The following IQANK1 variants were observed in gnomAD, a reference collection of about 807,000 sequenced individuals.
The protein encoded by IQANK1 is IQ motif and ankyrin repeat containing 1.
In IQANK1, 30 loss-of-function variants were observed where a neutral mutation model predicts 22.6. The ratio of observed to expected loss-of-function variants is 1.33; its 90% confidence interval spans 0.99 to 1.80. The LOEUF (loss-of-function observed/expected upper bound fraction) is 1.80. IQANK1 is among the 40% of genes most tolerant of loss of function. The pLI is 0.00. For synonymous variants in IQANK1, 122 were observed against 99.6 expected, an observed-to-expected ratio of 1.23 and a Z score of -1.34; for missense variants, 275 against 235.2, an observed-to-expected ratio of 1.17 and a Z score of -1.11.
Position 143,771,391 on chromosome 8 carries a change from G to A in IQANK1, c.176-97G>A, listed in dbSNP as rs1305638155. The A allele has an allele frequency of 2.3e-5, 9 of 391,892 alleles. No homozygotes were observed. Among genetic ancestry groups the A allele is most frequent in the Non-Finnish European group, 4.1e-5 (9 of 222,032 alleles). 24.3% of individuals were successfully genotyped at this position (391,892 alleles called of 1,614,324 possible). On this transcript the variant is annotated intron_variant, in intron 3 of 13. Transcript: ENST00000527139. The surrounding 1 kb of genome is among the most constrained non-coding windows in gnomAD (Gnocchi z 6.0). ...TGAGAGCCGTTTGGGTCCTTCTGTC[G>A]GGGCGGGGGCGGGGGCGGGGCCGGC...
intron 3 of IQANK1, among the ~76,000 whole-genome samples, chr8:143,770,123 G>A (rs1460784636): frequency 3.3e-5 from 5 of 152,216 alleles, no homozygotes; most frequent in Admixed American, 6.5e-5. Context: ...AGCCTCAGGA[G>A]AGCCGGACTT....
At chr8:143,766,789 T>C (rs1045939018) in intron 3 of IQANK1, among the ~76,000 whole-genome samples, 3 of 152,238 alleles carry the variant, frequency 2.0e-5, no homozygotes, top group African/African-American at 7.2e-5. Flanking sequence ...TGTTCTCCCA[T>C]GTGATCTTCA....
At chr8:143,742,427 C>T (rs1554626677) in intron 3 of IQANK1, 3 of 456,050 alleles carry the variant, frequency 6.6e-6, no homozygotes, top group Non-Finnish European at 1.3e-5. Flanking sequence ...GGTGCCCTCC[C>T]CAGGAGGCAT....
chr8:143,749,502 TATAA>T (rs1819141786), intron 3 of IQANK1, among the ~76,000 whole-genome samples: 3 of 119,928 alleles, frequency 2.5e-5, no homozygotes, highest in Non-Finnish European at 1.5e-5. Flanking sequence ...ATATATATCA[TATAA>T]ATATATAAAA....
rs917149268 is a variant in IQANK1 at position 143,771,627 on chromosome 8, G to A, written c.306+9G>A. ...AGACGCCGCAGAAGGAGGTGAGGAC[G>A]GGCAGCCGCAACAGCCGGGGGCCAG... is the stretch of plus-strand genomic sequence containing the variant. On this transcript the variant is annotated intron_variant, in intron 4 of 13. Coordinates refer to ENST00000527139, the MANE Select transcript of IQANK1 (RefSeq NM_001381874.1). The surrounding 1 kb of genome is among the most constrained non-coding windows in gnomAD (Gnocchi z 6.0). 3.0e-5 allele frequency: 12 copies of A among 399,094 alleles called. No individual in the cohort carries two copies. The highest frequency in any genetic ancestry group is 4.1e-5 in the African/African-American group (2 of 48,584). The allele number at this position is 399,094 out of a possible 1,614,324, so 24.7% of individuals were successfully genotyped here.
Position 143,771,291 on chromosome 8 carries a change from C to T in IQANK1, c.176-197C>T, listed in dbSNP as rs1819565396. On this transcript the variant is annotated intron_variant, in intron 3 of 13. Coordinates refer to ENST00000527139, the MANE Select transcript of IQANK1 (RefSeq NM_001381874.1). This position sits in a 1 kb window ranked among gnomAD's most constrained non-coding sequence, Gnocchi z 6.0. The stretch of plus-strand genomic sequence containing the variant: ...TTCCCGCAGACCTGGGTCCTCTCCG[C>T]GTCCCGGGCTCTCGCGCAGCCTCCT... Among the ~76,000 whole-genome samples the T allele has an allele frequency of 6.6e-6, 1 of 151,758 alleles. No individual in the cohort carries two copies. The highest frequency in any genetic ancestry group is 1.5e-5 in the Non-Finnish European group (1 of 67,874).
At chr8:143,762,187 T>C (rs1294050291) in intron 3 of IQANK1, among the ~76,000 whole-genome samples, 1 of 152,100 alleles carries the variant, frequency 6.6e-6, no homozygotes, top group Non-Finnish European at 1.5e-5. Flanking sequence ...GGCAAGCACC[T>C]GTAATCCCAG....
chr8:143,766,431 G>A (rs1819481930), intron 3 of IQANK1, among the ~76,000 whole-genome samples: 2 of 152,120 alleles, frequency 1.3e-5, no homozygotes, highest in Admixed American at 6.6e-5. Context: ...AGCACTTTGG[G>A]AGGCTGAGGT....
At chr8:143,764,176 A>C (rs907888176) in intron 3 of IQANK1, among the ~76,000 whole-genome samples, 1 of 152,154 alleles carries the variant, frequency 6.6e-6, no homozygotes, top group Non-Finnish European at 1.5e-5. Flanking sequence ...TTCCACCTGC[A>C]CAGGAAAGGT....
chr8:143,744,034 A>G (rs1554626990), intron 3 of IQANK1: 2 of 303,342 alleles, frequency 6.6e-6, no homozygotes, highest in Non-Finnish European at 1.3e-5. Flanking sequence ...GGGTTTCACC[A>G]TGTTGGCCAG....
chr8:143,748,620 TATA>T (rs1554627523), intron 3 of IQANK1, among the ~76,000 whole-genome samples: 2 of 127,800 alleles, frequency 1.6e-5, no homozygotes, highest in East Asian at 2.1e-4. Flanking sequence ...TATATAAATA[TATA>T]ATATATCATA....
chr8:143,747,445 A>G (rs1819053099), intron 3 of IQANK1, among the ~76,000 whole-genome samples: 1 of 151,926 alleles, frequency 6.6e-6, no homozygotes, highest in African/African-American at 2.4e-5. Flanking sequence ...TCCTTAAGTT[A>G]TAAAGTTAGG....
At position 143,735,903 on chromosome 8, in the gene IQANK1, C is replaced by T. The variant is rs782276816; in HGVS notation, c.50C>T (p.Thr17Met). The T allele has an allele frequency of 9.4e-5, 66 of 702,562 alleles. No homozygotes were observed. Among genetic ancestry groups the T allele is most frequent in the South Asian group, 6.7e-4 (45 of 67,582 alleles). The allele number at this position is 702,562 out of a possible 1,614,324, so 43.5% of individuals were successfully genotyped here. A position where few individuals can be genotyped will look rare whatever the true frequency, so the allele number is the denominator to read the frequency against. ...AAAGCTGCAGCTGGGAAGTGGCAGA[C>T]GCTCCACCCTGGGCCCAAGACAAGA... ...RPKAAAGKWQTLHPGPKTRAA... is the reference protein window; with the variant it reads ...RPKAAAGKWQMLHPGPKTRAA... The change falls in exon 2 of 14, where the codon ACG (threonine) becomes ATG (methionine). Residue 17 changes from threonine to methionine, a missense_variant. Physicochemically the swap from Thr to Met is moderately conservative, Grantham distance 81. Transcript: ENST00000527139. The surrounding 1 kb of genome is among the most constrained non-coding windows in gnomAD (Gnocchi z 5.2).
At chr8:143,748,999 C>CATAT (rs1305269725) in intron 3 of IQANK1, among the ~76,000 whole-genome samples, 6 of 71,204 alleles carry the variant, frequency 8.4e-5, no homozygotes, top group Admixed American at 1.9e-4. Context: ...AAATATATAT[C>CATAT]ATAAATATAT....
At chr8:143,743,627 T>G (rs1420203698) in intron 3 of IQANK1, among the ~76,000 whole-genome samples, 2 of 152,164 alleles carry the variant, frequency 1.3e-5, no homozygotes, top group Non-Finnish European at 1.5e-5. Context: ...TTGGGTGTGT[T>G]CCTTAAGCTG....
rs545829164 is a variant in IQANK1, at chr8:143,788,986, G to T, written c.861G>T (p.Gln287His). 2.4e-4 allele frequency: 96 copies of T among 399,814 alleles called. No homozygotes were observed. The highest frequency in any genetic ancestry group is 3.8e-4 in the Non-Finnish European group (87 of 226,624). 24.8% of individuals were successfully genotyped at this position (399,814 alleles called of 1,614,324 possible). Reference sequence around the variant, plus strand: ...TGAGCCTCACGGAGGCCATGCTCCAGAACATGGAGGCTGAGCAGCAGCGCC... The same window carrying T: ...TGAGCCTCACGGAGGCCATGCTCCATAACATGGAGGCTGAGCAGCAGCGCC... The part of the protein sequence containing the change: ...WDLSLTEAML[Q>H]NMEAEQQRRA... The change falls in exon 8 of 14, where the codon CAG (glutamine) becomes CAT (histidine). Residue 287 changes from glutamine (Q) to histidine (H), a missense_variant. Gln to His is a conservative substitution (Grantham distance 24, BLOSUM62 0). Transcript: ENST00000527139.
intron 3 of IQANK1, among the ~76,000 whole-genome samples, chr8:143,747,161 G>A (rs1157939877): frequency 6.6e-6 from 1 of 152,164 alleles, no homozygotes; most frequent in East Asian, 1.9e-4. Flanking sequence ...TTACAGGAGT[G>A]AGCCACCGCG....
At chr8:143,789,684 G>A in intron 10 of IQANK1, 77 bp from the exon 11 acceptor site, 1 of 1,216,120 alleles carries the variant, frequency 8.2e-7, no homozygotes, top group East Asian at 3.2e-5. Flanking sequence ...GTGGGGTGGG[G>A]AGGAAGCTCG....
chr8:143,750,126 G>A lies in IQANK1; in HGVS notation c.175+10178G>A, dbSNP rs1008077676. The stretch of plus-strand genomic sequence containing the variant: ...TTCAAGCAATTCTCCTGCCTCTCAA[G>A]TAGCTGGGATTACAGGCATGCGCCA... On this transcript the variant is annotated intron_variant, in intron 3 of 13. Transcript: ENST00000527139. Among the ~76,000 whole-genome samples the A allele has an allele frequency of 2.6e-5, 4 of 151,874 alleles. No homozygotes were observed. In the South Asian group the frequency reaches 6.2e-4, roughly 24 times the overall value.
Sources: gnomAD v4.1 joint callset for allele counts (sites outside exome capture counted in the v4.1 genomes callset) on GRCh38, gnomAD v4.1.1 for gene constraint, Gnocchi (gnomAD v3.1) non-coding constraint, MANE v1.5 for transcripts, NCBI Gene and HGNC (gene_info 2026-07-23, HGNC 2026-07-21) for gene names.